MAML3: variants seen among roughly 807,000 people sequenced by gnomAD.
MAML3 encodes the protein mastermind like transcriptional coactivator 3.
Under a neutral mutation model 101.9 loss-of-function variants are expected in MAML3, and 27 were observed. The observed-to-expected ratio is 0.27, with a 90% CI of 0.20 to 0.37. MAML3 has a LOEUF of 0.37. Ranked by LOEUF, MAML3 falls within the 10% of genes least tolerant of loss-of-function variation. MAML3 has a pLI of 1.00. For missense variants in MAML3, 1,316 were observed against 1,444.9 expected (o/e 0.91, Z 1.45); for synonymous variants, 501 against 555.9 (o/e 0.90, Z 1.39).
intron 1 of MAML3, among the ~76,000 whole-genome samples, chr4:140,024,889 C>A (rs1726795124): frequency 6.6e-6 from 1 of 152,110 alleles, no homozygotes; most frequent in Non-Finnish European, 1.5e-5. Flanking sequence ...TTCCCAAATG[C>A]TTAATAACAA....
chr4:140,126,980 G>C (rs1560901881), intron 1 of MAML3, among the ~76,000 whole-genome samples: 2 of 152,090 alleles, frequency 1.3e-5, no homozygotes, highest in Non-Finnish European at 2.9e-5. Context: ...TGAGTATTCT[G>C]TAACATCTTC....
intron 1 of MAML3, among the ~76,000 whole-genome samples, chr4:140,005,790 C>T (rs1481098813): frequency 1.3e-5 from 2 of 152,182 alleles, no homozygotes; most frequent in East Asian, 1.9e-4. Flanking sequence ...AATATGCACA[C>T]GTGAGTCAAA....
chr4:140,052,873 C>T (rs1727291848), intron 1 of MAML3, among the ~76,000 whole-genome samples: 1 of 152,086 alleles, frequency 6.6e-6, no homozygotes, highest in Non-Finnish European at 1.5e-5. Flanking sequence ...GAAGCTCCTT[C>T]CCTCAAAATA....
At chr4:139,983,210 TAC>T (rs1372219283) in intron 1 of MAML3, among the ~76,000 whole-genome samples, 13 of 152,234 alleles carry the variant, frequency 8.5e-5, no homozygotes, top group African/African-American at 2.9e-4. Flanking sequence ...TAGGGCGTTA[TAC>T]AGAGTATATC....
chr4:139,958,717 T>C (rs1578616882), intron 1 of MAML3, among the ~76,000 whole-genome samples: 1 of 152,326 alleles, frequency 6.6e-6, no homozygotes, highest in East Asian at 1.9e-4. Flanking sequence ...TTGTGCTACG[T>C]CTGTGGTCCA....
intron 1 of MAML3, among the ~76,000 whole-genome samples, chr4:140,148,711 G>T (rs2111064252): frequency 6.6e-6 from 1 of 152,260 alleles, no homozygotes; most frequent in East Asian, 1.9e-4. Context: ...ATTCAGCAGT[G>T]GACTAATATG....
At chr4:139,721,567 C>T (rs1484907291) in intron 4 of MAML3, among the ~76,000 whole-genome samples, 2 of 152,152 alleles carry the variant, frequency 1.3e-5, no homozygotes, top group African/African-American at 4.8e-5. Flanking sequence ...TTTTTGTCTT[C>T]CTGATGTGGC....
In MAML3 at chr4:139,719,282, G is replaced by A. The variant is rs777340794; in HGVS notation, c.*41C>T. The stretch of plus-strand genomic sequence containing the variant: ...ATCCTGTTTCTTTTTCACTTTTTAA[G>A]CTTTAACCACTCGAGTTGTGGATCT... On this transcript the variant is annotated 3_prime_UTR_variant, in exon 5 of 5. Coordinates refer to ENST00000509479, the MANE Select transcript of MAML3 (RefSeq NM_018717.5). 1.3e-6 allele frequency: 2 copies of A among 1,524,956 alleles called. No homozygotes were observed. The highest frequency in any genetic ancestry group is 4.3e-5 in the Admixed American group (2 of 45,998). 94.5% of individuals were successfully genotyped at this position (1,524,956 alleles called of 1,614,324 possible).
intron 1 of MAML3, among the ~76,000 whole-genome samples, chr4:139,925,244 T>G (rs1464717899): frequency 6.6e-6 from 1 of 152,118 alleles, no homozygotes; most frequent in East Asian, 1.9e-4. Flanking sequence ...TGTTTGTTTG[T>G]TTTGAGATGG....
At chr4:139,916,620 G>A (rs982754717) in intron 1 of MAML3, among the ~76,000 whole-genome samples, 10 of 152,256 alleles carry the variant, frequency 6.6e-5, no homozygotes, top group African/African-American at 2.4e-4. Flanking sequence ...AAGTCGAGAG[G>A]GCCACCAACC....
chr4:140,031,678 T>C (rs1452010257), intron 1 of MAML3, among the ~76,000 whole-genome samples: 1 of 152,250 alleles, frequency 6.6e-6, no homozygotes. Flanking sequence ...TGTAGTGGCA[T>C]GGAAACTTTT....
chr4:139,848,679 G>C (rs1289338449), intron 2 of MAML3, among the ~76,000 whole-genome samples: 1 of 152,144 alleles, frequency 6.6e-6, no homozygotes, highest in Non-Finnish European at 1.5e-5. Context: ...TGAGAGATAT[G>C]CACTTACGTC....
chr4:139,766,049 T>C (rs868138425), intron 2 of MAML3, among the ~76,000 whole-genome samples: 1 of 152,132 alleles, frequency 6.6e-6, no homozygotes, highest in Non-Finnish European at 1.5e-5. Context: ...GTGCTGAACA[T>C]TGGGCAAGGT....
chr4:139,860,871 T>C (rs1028289049), intron 2 of MAML3, among the ~76,000 whole-genome samples: 1 of 152,166 alleles, frequency 6.6e-6, no homozygotes, highest in Non-Finnish European at 1.5e-5. Context: ...CCGGTAATGA[T>C]TAATTTCAGT....
At chr4:139,967,514 A>T (rs953742871) in intron 1 of MAML3, among the ~76,000 whole-genome samples, 1 of 129,458 alleles carries the variant, frequency 7.7e-6, no homozygotes, top group African/African-American at 2.9e-5. Context: ...ACACACACAC[A>T]CTCTATTCTT....
At chr4:140,043,983 G>C (rs2110912526) in intron 1 of MAML3, among the ~76,000 whole-genome samples, 1 of 152,278 alleles carries the variant, frequency 6.6e-6, no homozygotes. Context: ...TTCTAACTGT[G>C]CTCCTGATAA....
chr4:140,021,345 A>G (rs1026540567), intron 1 of MAML3, among the ~76,000 whole-genome samples: 1 of 152,202 alleles, frequency 6.6e-6, no homozygotes, highest in African/African-American at 2.4e-5. Context: ...CTGGAAAAAA[A>G]GAATGATTTG....
At chr4:140,046,214 G>C (rs1279936862) in intron 1 of MAML3, among the ~76,000 whole-genome samples, 1 of 152,134 alleles carries the variant, frequency 6.6e-6, no homozygotes, top group Non-Finnish European at 1.5e-5. Flanking sequence ...TTCTGGGCAG[G>C]GACATTAAAT....
At position 139,889,507 on chromosome 4, in the gene MAML3, C is replaced by T. The variant is rs1461946738; in HGVS notation, c.1929G>A (p.Gln643=). Residue 643 remains glutamine (Q), a synonymous_variant, in exon 2 of 5, where the codon CAG becomes CAA. Coordinates refer to ENST00000509479, the MANE Select transcript of MAML3 (RefSeq NM_018717.5). Reference sequence around the variant, plus strand: ...GCGGCTGCTGCTGCTGCTGCTGCTGCTGTTGCTGTTGCTGCTGCTGTTGCT... The same window carrying T: ...GCGGCTGCTGCTGCTGCTGCTGCTGTTGTTGCTGTTGCTGCTGCTGTTGCT... ...QQQQQQQQQQ[Q]QQQQQQQPPP... is the part of the protein sequence containing the mutation. The T allele has an allele frequency of 2.5e-6, 4 of 1,607,000 alleles. No homozygotes were observed. Among genetic ancestry groups the T allele is most frequent in the Non-Finnish European group, 3.4e-6 (4 of 1,174,274 alleles).
Sources: allele counts gnomAD v4.1 joint callset (sites outside exome capture counted in the v4.1 genomes callset), GRCh38; gene constraint gnomAD v4.1.1; transcripts MANE v1.5; gene names NCBI Gene and HGNC (gene_info 2026-07-23, HGNC 2026-07-21).